The following INTS4 variants were observed in gnomAD, a reference collection of about 807,000 sequenced individuals.
The protein encoded by INTS4 is integrator complex subunit 4.
Under a neutral mutation model 119.5 loss-of-function variants are expected in INTS4, and 70 were observed. The ratio of observed to expected loss-of-function variants is 0.59; its 90% CI spans 0.48 to 0.71. The LOEUF (loss-of-function observed/expected upper bound fraction) is 0.71. INTS4 is among the 30% of genes least tolerant of loss of function. The pLI, the probability that INTS4 is intolerant of heterozygous loss-of-function variation, is 0.00. For missense variants in INTS4, 867 were observed against 1,173.2 expected (o/e 0.74, Z 3.81); for synonymous variants, 316 against 419.6 (o/e 0.75, Z 3.02).
At chr11:77,877,557 A>G (rs1221299027), downstream of INTS4, among the ~76,000 whole-genome samples, 1 of 152,076 alleles carries the variant, frequency 6.6e-6, no homozygotes, top group East Asian at 1.9e-4. Flanking sequence ...TTTCCCATAT[A>G]CTTCCCCTGA....
In INTS4 at chr11:77,924,734, G is replaced by A. The variant is rs755586044; in HGVS notation, c.1514+16C>T. On this transcript the variant is annotated intron_variant, in intron 12 of 22. Coordinates refer to ENST00000534064, the MANE Select transcript of INTS4 (RefSeq NM_033547.4). ...ATTATGGGACTCAGTGAGTAAATGG[G>A]CAAAAAAGTCATTACTTCCATATGG... 3 of 1,599,662 alleles carry A rather than the reference G, an allele frequency of 1.9e-6. No individual in the cohort carries two copies. The Admixed American group carries it at 5.0e-5, about 27-fold the overall frequency.
At chr11:77,981,252 ATGGTAGGTACC>A (rs925457990) in intron 3 of INTS4, among the ~76,000 whole-genome samples, 196 bp downstream of exon 3, 2 of 151,292 alleles carry the variant, frequency 1.3e-5, no homozygotes, top group African/African-American at 4.9e-5. Flanking sequence ...CCTCAAATAT[ATGGTAGGTACC>A]TGGCCAATAA....
In INTS4 at chr11:77,955,930, A is replaced by C. The variant is rs1954310038; in HGVS notation, c.918+12T>G. On this transcript the variant is annotated intron_variant, in intron 8 of 22. Coordinates refer to ENST00000534064, the MANE Select transcript of INTS4 (RefSeq NM_033547.4). ...TACATGCATACATACATACATAAAA[A>C]GTATAACTTACCAACAGTTTTGCTG... 1 of 1,594,032 alleles carries C rather than the reference A, an allele frequency of 6.3e-7. No homozygotes were observed. The highest frequency in any genetic ancestry group is 1.7e-5 in the Admixed American group (1 of 58,136).
At chr11:77,923,389 C>T (rs1953413643) in intron 12 of INTS4, among the ~76,000 whole-genome samples, 2 of 149,762 alleles carry the variant, frequency 1.3e-5, no homozygotes, top group African/African-American at 2.5e-5. Flanking sequence ...TGTTGAATGA[C>T]GAATCCTGAA....
intron 4 of INTS4, among the ~76,000 whole-genome samples, chr11:77,972,188 T>A (rs1855759352): frequency 6.6e-6 from 1 of 152,122 alleles, no homozygotes. Flanking sequence ...AGCCTCAACC[T>A]CCCAGGCTTA....
At chr11:77,972,655 G>T (rs1855777962) in intron 4 of INTS4, among the ~76,000 whole-genome samples, 5 of 152,016 alleles carry the variant, frequency 3.3e-5, no homozygotes, top group Admixed American at 3.3e-4. Flanking sequence ...GACCTCAAGT[G>T]ATCTGCCTAC....
chr11:77,941,843 A>C (rs1365135321), intron 8 of INTS4, among the ~76,000 whole-genome samples: 2 of 152,112 alleles, frequency 1.3e-5, no homozygotes, highest in African/African-American at 2.4e-5. Flanking sequence ...CTTTAGACGT[A>C]TATTAACTCA....
At chr11:77,911,092 C>T in intron 15 of INTS4, 1 of 1,285,504 alleles carries the variant, frequency 7.8e-7, no homozygotes, top group Non-Finnish European at 1.0e-6. Context: ...TCATGCTCGG[C>T]AGGTAACGTT....
At chr11:77,910,566 C>T (rs1226854766) in intron 15 of INTS4, among the ~76,000 whole-genome samples, 1 of 151,768 alleles carries the variant, frequency 6.6e-6, no homozygotes, top group Non-Finnish European at 1.5e-5. Flanking sequence ...ACATTGTGCA[C>T]ATGTACCCTA....
intron 4 of INTS4, among the ~76,000 whole-genome samples, chr11:77,977,418 C>T (rs1033131687): frequency 6.6e-5 from 10 of 151,562 alleles, no homozygotes; most frequent in Admixed American, 3.9e-4. Context: ...CAATATCACA[C>T]AGCCATTACA....
At chr11:77,884,793 C>A (rs947093754) in intron 21 of INTS4, 14 of 406,704 alleles carry the variant, frequency 3.4e-5, no homozygotes, top group Admixed American at 2.0e-4. Flanking sequence ...CTTACTCTGC[C>A]ACCCAGGCTG....
chr11:77,990,579 A>G (rs1856636521), intron 2 of INTS4, among the ~76,000 whole-genome samples: 1 of 150,766 alleles, frequency 6.6e-6, no homozygotes, highest in Non-Finnish European at 1.5e-5. Context: ...CCAGCTACTA[A>G]GGAGGCTGAG....
chr11:77,927,662 T>A (rs1442959732), intron 11 of INTS4, among the ~76,000 whole-genome samples: 1 of 152,190 alleles, frequency 6.6e-6, no homozygotes, highest in South Asian at 2.1e-4. Flanking sequence ...TTTTTCTCTA[T>A]AAAATTCCCA....
chr11:77,951,383 G>A (rs1027009114), intron 8 of INTS4, among the ~76,000 whole-genome samples: 3 of 152,008 alleles, frequency 2.0e-5, no homozygotes, highest in African/African-American at 7.2e-5. Flanking sequence ...TCTGATCTTT[G>A]ACAAATCTGA....
intron 19 of INTS4, among the ~76,000 whole-genome samples, chr11:77,892,393 T>C (rs1591016478): frequency 6.6e-6 from 1 of 152,226 alleles, no homozygotes; most frequent in East Asian, 1.9e-4. Context: ...AATATCTCAC[T>C]GAGGAGGTGA....
At chr11:77,937,843 ATTTATTTATTTATTTT>A (rs1264193116) in intron 10 of INTS4, among the ~76,000 whole-genome samples, 1 of 75,338 alleles carries the variant, frequency 1.3e-5, no homozygotes, top group Non-Finnish European at 2.8e-5. Context: ...TTATTTATTT[ATTTATTTATTTATTTT>A]TTGAGACAGA....
intron 19 of INTS4, among the ~76,000 whole-genome samples, chr11:77,892,626 G>T (rs529127437): frequency 6.6e-6 from 1 of 151,840 alleles, no homozygotes; most frequent in East Asian, 1.9e-4. Flanking sequence ...ACTATTGCCC[G>T]GGCTGGTGTG....
chr11:77,930,227 G>A (rs11606971), intron 10 of INTS4, among the ~76,000 whole-genome samples: 29,071 of 152,030 alleles, frequency 0.19, 2,817 homozygotes, highest in Middle Eastern at 0.23. Context: ...AGTACCTAAA[G>A]TTGTGGTTAA....
intron 21 of INTS4, 55 bp from the exon 22 acceptor site, chr11:77,884,007 A>G (rs905202438): frequency 1.9e-6 from 3 of 1,566,152 alleles, no homozygotes; most frequent in African/African-American, 1.4e-5. Flanking sequence ...ATTTAACAAA[A>G]TGGATGATGA....
Sources: gnomAD v4.1 joint callset for allele counts (sites outside exome capture counted in the v4.1 genomes callset) on GRCh38, gnomAD v4.1.1 for gene constraint, MANE v1.5 for transcripts, NCBI Gene and HGNC (gene_info 2026-07-23, HGNC 2026-07-21) for gene names.